The following SLC14A2 variants were observed in gnomAD, a reference collection of about 807,000 sequenced individuals.
SLC14A2 encodes the protein solute carrier family 14 member 2.
Under a neutral mutation model 104.6 loss-of-function variants are expected in SLC14A2, and 91 were observed. The observed-to-expected ratio is 0.87, with a 90% CI of 0.73 to 1.04. SLC14A2 has a LOEUF of 1.04. SLC14A2 is among the 50% of genes least tolerant of loss of function. The probability of loss-of-function intolerance (pLI) is 0.00; values close to 1 mark genes in which losing one functional copy is unlikely to be tolerated. For missense variants in SLC14A2, 1,189 were observed against 1,156.0 expected (o/e 1.03, Z -0.41); for synonymous variants, 476 against 466.4 (o/e 1.02, Z -0.27).
chr18:45,358,818 C>T (rs1387938870), intron 1 of SLC14A2, among the ~76,000 whole-genome samples: 1 of 152,094 alleles, frequency 6.6e-6, no homozygotes, highest in Non-Finnish European at 1.5e-5. Flanking sequence ...TCAAACAGTC[C>T]TCCCACCTCA....
At chr18:45,463,063 A>G (rs969983100) in intron 1 of SLC14A2, among the ~76,000 whole-genome samples, 4 of 152,216 alleles carry the variant, frequency 2.6e-5, no homozygotes, top group Admixed American at 1.3e-4. Flanking sequence ...CCCAGGAAGT[A>G]TACAGGCAGG....
intron 2 of SLC14A2, among the ~76,000 whole-genome samples, chr18:45,542,676 C>T (rs2144861898): frequency 6.6e-6 from 1 of 152,174 alleles, no homozygotes; most frequent in Non-Finnish European, 1.5e-5. Flanking sequence ...TGGAAGGTAC[C>T]CTAGAGGCTT....
At chr18:45,463,177 A>C (rs2087076793) in intron 1 of SLC14A2, among the ~76,000 whole-genome samples, 1 of 152,114 alleles carries the variant, frequency 6.6e-6, no homozygotes, top group African/African-American at 2.4e-5. Flanking sequence ...CCATGAGTTC[A>C]CTGTAGAAAG....
At chr18:45,336,092 A>G (rs1268826673) in intron 1 of SLC14A2, among the ~76,000 whole-genome samples, 1 of 152,114 alleles carries the variant, frequency 6.6e-6, no homozygotes, top group Non-Finnish European at 1.5e-5. Flanking sequence ...GTTTAGAAAG[A>G]CCCTAAAGGA....
chr18:45,168,691 C>T, the SLC14A2 span: 2 of 152,016 alleles, frequency 1.3e-5, no homozygotes, highest in Admixed American at 1.3e-4. Flanking sequence ...TATGGTTTAT[C>T]ATGAGAAATC....
intron 2 of SLC14A2, among the ~76,000 whole-genome samples, chr18:45,508,584 T>G (rs969499951): frequency 6.6e-6 from 1 of 152,204 alleles, no homozygotes; most frequent in Non-Finnish European, 1.5e-5. Context: ...GTCTTTATCG[T>G]CAGTGTGAAA....
chr18:45,565,048 ATGTG>A (rs1048756376), intron 2 of SLC14A2, among the ~76,000 whole-genome samples: 1 of 48,658 alleles, frequency 2.1e-5, no homozygotes, highest in African/African-American at 8.9e-5. Flanking sequence ...CATGTGGGTG[ATGTG>A]TGTGTGTTCG....
Position 45,632,128 on chromosome 18 carries a change from G to T in SLC14A2, c.522-222G>T, listed in dbSNP as rs533013989. On this transcript the variant is annotated intron_variant, in intron 4 of 19. Transcript: ENST00000255226. ...TTTAATTGTCGATCAGCAAGACAAG[G>T]GTGTGTGTGTGTGTGTTTGTGTGTG... 2.2e-4 allele frequency among the ~76,000 whole-genome samples: 27 copies of T among 125,304 alleles called. No homozygotes were observed. In the East Asian group the frequency reaches 6.1e-3, roughly 28 times the overall value. The allele number at this position is 125,304 out of a possible 152,430, so 82.2% of individuals were successfully genotyped here.
intron 1 of SLC14A2, among the ~76,000 whole-genome samples, chr18:45,402,274 T>C (rs926353655): frequency 2.0e-5 from 3 of 152,186 alleles, no homozygotes; most frequent in Non-Finnish European, 2.9e-5. Context: ...TGTAATTGTC[T>C]ATAAAAGATT....
intron 2 of SLC14A2, among the ~76,000 whole-genome samples, chr18:45,585,031 C>T (rs1217925605): frequency 1.3e-5 from 2 of 152,124 alleles, no homozygotes; most frequent in East Asian, 3.8e-4. Context: ...AAGGGCCAGT[C>T]CAGATGACCA....
chr18:45,668,549 G>A lies in SLC14A2; in HGVS notation c.2036+72G>A, dbSNP rs988246575. The A allele has an allele frequency of 4.1e-5, 63 of 1,538,188 alleles. No individual in the cohort carries two copies. The African/African-American group carries it at 4.5e-4, about 11-fold the overall frequency. ...ACCTTTTCATCCCAATCCCATGACCGTCTGTCTAAACGTGATATTAAAGTG... is the reference window on the plus strand; with the variant it reads ...ACCTTTTCATCCCAATCCCATGACCATCTGTCTAAACGTGATATTAAAGTG... On this transcript the variant is annotated intron_variant, in intron 15 of 19. Transcript: ENST00000255226.
intron 2 of SLC14A2, among the ~76,000 whole-genome samples, chr18:45,593,056 G>A (rs992004229): frequency 5.3e-5 from 8 of 152,176 alleles, no homozygotes; most frequent in Non-Finnish European, 7.3e-5. Flanking sequence ...CGTGGCTCAC[G>A]CCTGTAATCC....
At chr18:45,274,776 T>C (rs1177398695) in intron 1 of SLC14A2, among the ~76,000 whole-genome samples, 1 of 152,268 alleles carries the variant, frequency 6.6e-6, no homozygotes, top group Non-Finnish European at 1.5e-5. Flanking sequence ...TGTGACTTCC[T>C]TGATAACTCA....
intron 1 of SLC14A2, among the ~76,000 whole-genome samples, chr18:45,438,999 A>G (rs1290908716): frequency 6.6e-6 from 1 of 152,186 alleles, no homozygotes. Flanking sequence ...TAAAACCCAG[A>G]CAGGCTAGAC....
At chr18:45,542,903 AATC>A (rs199750450) in intron 2 of SLC14A2, among the ~76,000 whole-genome samples, 1,714 of 151,946 alleles carry the variant, frequency 0.011, 29 homozygotes, top group African/African-American at 0.039. Flanking sequence ...ATTTTTATAT[AATC>A]ATTTTATTTT....
chr18:45,245,381 T>C (rs2084358973), intron 1 of SLC14A2, among the ~76,000 whole-genome samples: 1 of 152,244 alleles, frequency 6.6e-6, no homozygotes, highest in Admixed American at 6.5e-5. Flanking sequence ...CAGCATCTGC[T>C]CATTCTTGTC....
At chr18:45,335,866 A>T (rs2085333137) in intron 1 of SLC14A2, among the ~76,000 whole-genome samples, 1 of 152,130 alleles carries the variant, frequency 6.6e-6, no homozygotes, top group Non-Finnish European at 1.5e-5. Context: ...TTTCAGAGGA[A>T]GGTGCTAAAT....
chr18:45,287,893 G>A (rs1326334824), intron 1 of SLC14A2, among the ~76,000 whole-genome samples: 1 of 152,098 alleles, frequency 6.6e-6, no homozygotes, highest in Non-Finnish European at 1.5e-5. Flanking sequence ...GCCAGCCATG[G>A]CCATCCTTGA....
At chr18:45,492,452 G>T (rs1463595277) in intron 2 of SLC14A2, among the ~76,000 whole-genome samples, 1 of 152,138 alleles carries the variant, frequency 6.6e-6, no homozygotes, top group Non-Finnish European at 1.5e-5. Context: ...GAGAGTGTGT[G>T]TAAGTGCAGG....
Sources: allele counts gnomAD v4.1 joint callset (sites outside exome capture counted in the v4.1 genomes callset), GRCh38; gene constraint gnomAD v4.1.1; transcripts MANE v1.5; gene names NCBI Gene and HGNC (gene_info 2026-07-23, HGNC 2026-07-21).